The following CNN3 variants were observed in gnomAD, a reference collection of about 807,000 sequenced individuals.
CNN3 encodes the protein calponin-3.
Under a neutral mutation model 39.0 loss-of-function variants are expected in CNN3, and 11 were observed. The ratio of observed to expected loss-of-function variants is 0.28; its 90% CI spans 0.18 to 0.47. The LOEUF (loss-of-function observed/expected upper bound fraction) is 0.47. Among genes scored for constraint, CNN3 ranks in the 20% least tolerant of loss-of-function variants. The pLI is 0.99. For missense variants in CNN3, 266 were observed against 403.4 expected (o/e 0.66, Z 2.92); for synonymous variants, 101 against 138.3 (o/e 0.73, Z 1.89).
chr1:94,913,463 A>G (rs1333736375), intron 1 of CNN3, among the ~76,000 whole-genome samples: 1 of 152,160 alleles, frequency 6.6e-6, no homozygotes, highest in Non-Finnish European at 1.5e-5. Context: ...AAACAGGAGG[A>G]GCTAAAGCTT....
Position 94,902,261 on chromosome 1 carries a change from A to T in CNN3, c.247-3T>A. The T allele has an allele frequency of 6.2e-7, 1 of 1,606,618 alleles. No homozygotes were observed. The highest frequency in any genetic ancestry group is 8.5e-7 in the Non-Finnish European group (1 of 1,175,572). On this transcript the variant is annotated splice_polypyrimidine_tract_variant and splice_region_variant and intron_variant, in intron 3 of 6. Transcript: ENST00000370206. Reference sequence around the variant, plus strand: ...ATAAAGTTGCCAATATTCTCCAACTATAAAGAAGAAGAGTTTTATAATTTC... The same window carrying T: ...ATAAAGTTGCCAATATTCTCCAACTTTAAAGAAGAAGAGTTTTATAATTTC...
intron 5 of CNN3, 66 bp from the exon 6 acceptor site, chr1:94,899,583 A>G: frequency 6.6e-7 from 1 of 1,513,646 alleles, no homozygotes; most frequent in South Asian, 1.3e-5. Flanking sequence ...CACAAACAAA[A>G]CTTTCCATGC....
In CNN3 at chr1:94,927,099, A is replaced by G. The variant is rs1671611610; in HGVS notation, c.-205T>C. ...CTACAGAGCCTCGAGCTCCGCTGCG[A>G]AGCACCCGGCTGCCTCGCTCGCCGC... On this transcript the variant is annotated 5_prime_UTR_variant, in exon 1 of 7. Transcript: ENST00000370206. The G allele has an allele frequency of 2.0e-6, 1 of 497,790 alleles. No homozygotes were observed. The allele number at this position is 497,790 out of a possible 1,614,324, so 30.8% of individuals were successfully genotyped here.
At chr1:94,920,986 G>T (rs1386708267) in intron 1 of CNN3, among the ~76,000 whole-genome samples, 6 of 152,194 alleles carry the variant, frequency 3.9e-5, no homozygotes, top group Admixed American at 6.5e-5. Flanking sequence ...CAGAGTTAAG[G>T]AGAGCCAATG....
At chr1:94,914,478 G>A (rs986851344) in intron 1 of CNN3, among the ~76,000 whole-genome samples, 2 of 152,052 alleles carry the variant, frequency 1.3e-5, no homozygotes, top group Non-Finnish European at 2.9e-5. Flanking sequence ...CTGACCACCC[G>A]CATCCCCATG....
intron 4 of CNN3, 48 bp from the exon 5 acceptor site, chr1:94,901,833 A>G (rs772200084): frequency 2.7e-5 from 36 of 1,325,632 alleles, no homozygotes; most frequent in Non-Finnish European, 3.7e-5. Flanking sequence ...AGAGTTTCAC[A>G]GAAGGAACAA....
chr1:94,917,006 T>C (rs1159278160), intron 1 of CNN3, among the ~76,000 whole-genome samples: 1 of 152,216 alleles, frequency 6.6e-6, no homozygotes, highest in African/African-American at 2.4e-5. Flanking sequence ...GATATCATTT[T>C]AAAGCTACCT....
chr1:94,897,768 A>G lies in CNN3; in HGVS notation c.964T>C (p.Tyr322His). The change falls in exon 7 of 7, where the codon TAT becomes CAT. Residue 322 changes from tyrosine to histidine, a missense_variant. Tyr to His is a moderately conservative substitution (Grantham distance 83). Transcript: ENST00000370206. ...TAATAATCAATGCCTTGGTCGCTAT[A>G]TTGGTAATCTCTGGGGTAGTCATCC... ...YQDDYPRDYQ[Y>H]SDQGIDY is the part of the protein sequence containing the mutation. The G allele has an allele frequency of 6.2e-7, 1 of 1,614,012 alleles. No individual in the cohort carries two copies. The highest frequency in any genetic ancestry group is 8.5e-7 in the Non-Finnish European group (1 of 1,179,932).
chr1:94,905,316 GT>G (rs531809360), intron 1 of CNN3, among the ~76,000 whole-genome samples: 1 of 152,104 alleles, frequency 6.6e-6, no homozygotes, highest in Non-Finnish European at 1.5e-5. Flanking sequence ...AAAACATCCC[GT>G]TTCCCAGGTC....
At chr1:94,912,634 C>T (rs940885181) in intron 1 of CNN3, among the ~76,000 whole-genome samples, 3 of 152,194 alleles carry the variant, frequency 2.0e-5, no homozygotes, top group Non-Finnish European at 2.9e-5. Flanking sequence ...TCCTCATGCC[C>T]ATGCCTGATA....
chr1:94,914,962 A>T (rs938616854), intron 1 of CNN3, among the ~76,000 whole-genome samples: 1 of 151,888 alleles, frequency 6.6e-6, no homozygotes, highest in African/African-American at 2.4e-5. Context: ...TAGCTCACTG[A>T]AGCCTCAACC....
chr1:94,926,721 G>C lies in CNN3; in HGVS notation c.57+117C>G, dbSNP rs962321347. ...GCAGAGACGCTCGCGCCGCCTCGAC[G>C]GCCCCTCTCCAGGAAAACGGTGAGC... On this transcript the variant is annotated intron_variant, in intron 1 of 6. Coordinates refer to ENST00000370206, the MANE Select transcript of CNN3 (RefSeq NM_001839.5). This position sits in a 1 kb window ranked among gnomAD's most constrained non-coding sequence, Gnocchi z 4.2. The C allele has an allele frequency of 6.9e-6, 8 of 1,166,726 alleles. No individual in the cohort carries two copies. The Admixed American group carries it at 1.0e-4, about 15-fold the overall frequency. 72.3% of individuals were successfully genotyped at this position (1,166,726 alleles called of 1,614,324 possible). A position where few individuals can be genotyped will look rare whatever the true frequency, so the allele number is the denominator to read the frequency against.
In CNN3 at chr1:94,925,654, C is replaced by T. The variant is rs1406872444; in HGVS notation, c.57+1184G>A. The T allele has an allele frequency of 3.0e-6, 3 of 985,356 alleles. No individual in the cohort carries two copies. In the Admixed American group the frequency reaches 1.8e-4, roughly 61 times the overall value. 61.0% of individuals were successfully genotyped at this position (985,356 alleles called of 1,614,324 possible). On this transcript the variant is annotated intron_variant, in intron 1 of 6. Transcript: ENST00000370206. Reference sequence around the variant, plus strand: ...TTACCTCTTTACATAATTCGCTTCACACCGCCTACCCCCGCAGCCCCGGGA... The same window carrying T: ...TTACCTCTTTACATAATTCGCTTCATACCGCCTACCCCCGCAGCCCCGGGA...
chr1:94,919,913 C>T (rs1431894204), intron 1 of CNN3, among the ~76,000 whole-genome samples: 1 of 151,928 alleles, frequency 6.6e-6, no homozygotes, highest in Non-Finnish European at 1.5e-5. Flanking sequence ...TTAGTCTTCT[C>T]CACTCAAGGA....
intron 1 of CNN3, among the ~76,000 whole-genome samples, chr1:94,915,176 C>A (rs538477972): frequency 1.3e-5 from 2 of 152,214 alleles, no homozygotes; most frequent in South Asian, 4.2e-4. Context: ...CTTTCTGAGA[C>A]CCTAAGTAAA....
At chr1:94,903,349 G>A in intron 2 of CNN3, 54 bp downstream of exon 2, 2 of 1,547,728 alleles carry the variant, frequency 1.3e-6, no homozygotes, top group East Asian at 2.3e-5. Flanking sequence ...TGAGAGAGAA[G>A]GCTGTGGAAA....
chr1:94,909,837 G>A (rs1194625737), intron 1 of CNN3, among the ~76,000 whole-genome samples: 2 of 152,076 alleles, frequency 1.3e-5, no homozygotes, highest in African/African-American at 4.8e-5. Context: ...CTCGGTGTAC[G>A]CCGAGAGCAT....
At position 94,926,765 on chromosome 1, in the gene CNN3, C is replaced by A. The variant is rs980540635; in HGVS notation, c.57+73G>T. The A allele has an allele frequency of 1.7e-5, 25 of 1,503,580 alleles. No homozygotes were observed. The African/African-American group carries it at 3.2e-4, about 19-fold the overall frequency. 93.1% of individuals were successfully genotyped at this position (1,503,580 alleles called of 1,614,324 possible). A position where few individuals can be genotyped will look rare whatever the true frequency, so the allele number is the denominator to read the frequency against. Reference sequence around the variant, plus strand: ...GGTGAGCCACAGCGCGAAGAGCAAACGAAGCACGGCCCAGCGCCAGGCCAG... The same window carrying A: ...GGTGAGCCACAGCGCGAAGAGCAAAAGAAGCACGGCCCAGCGCCAGGCCAG... On this transcript the variant is annotated intron_variant, in intron 1 of 6. Transcript: ENST00000370206. This position sits in a 1 kb window ranked among gnomAD's most constrained non-coding sequence, Gnocchi z 4.2.
chr1:94,897,067 C>T lies in CNN3; in HGVS notation c.*675G>A, dbSNP rs1670742111. The stretch of plus-strand genomic sequence containing the variant: ...AAAACAGAGCAACTCTACATTGATA[C>T]ATTGGCACAAACAGGAAGAGCAAAT... On this transcript the variant is annotated 3_prime_UTR_variant, in exon 7 of 7. Transcript: ENST00000370206. 6.5e-6 allele frequency: 1 copy of T among 153,154 alleles called. No individual in the cohort carries two copies. The highest frequency in any genetic ancestry group is 6.5e-5 in the Admixed American group (1 of 15,296). 9.5% of individuals were successfully genotyped at this position (153,154 alleles called of 1,614,324 possible).
Sources: allele counts gnomAD v4.1 joint callset (sites outside exome capture counted in the v4.1 genomes callset), GRCh38; gene constraint gnomAD v4.1.1; non-coding constraint Gnocchi (gnomAD v3.1); transcripts MANE v1.5; gene names NCBI Gene and HGNC (gene_info 2026-07-23, HGNC 2026-07-21).